AXIN1: variants seen among roughly 807,000 people sequenced by gnomAD.
The protein encoded by AXIN1 is axin 1, also known as axin-1.
A neutral mutation model predicts 76.4 loss-of-function variants in AXIN1; 30 were observed. The ratio of observed to expected loss-of-function variants is 0.39; its 90% confidence interval spans 0.29 to 0.53. AXIN1 has a LOEUF of 0.53. Among genes scored for constraint, AXIN1 ranks in the 20% least tolerant of loss-of-function variants. AXIN1 has a pLI of 0.66. For synonymous variants in AXIN1, 545 were observed against 501.4 expected, an observed-to-expected ratio of 1.09 and a Z score of -1.16; for missense variants, 1,140 against 1,198.8, an observed-to-expected ratio of 0.95 and a Z score of 0.72.
At chr16:319,976 T>G (rs1010143421) in intron 2 of AXIN1, among the ~76,000 whole-genome samples, 6 of 152,090 alleles carry the variant, frequency 3.9e-5, no homozygotes, top group African/African-American at 1.4e-4. Context: ...ATTTCCTCCC[T>G]CTGAAAAAGT....
At chr16:324,799 C>A (rs2053543122) in intron 2 of AXIN1, among the ~76,000 whole-genome samples, 1 of 152,180 alleles carries the variant, frequency 6.6e-6, no homozygotes, top group South Asian at 2.1e-4. Flanking sequence ...ACAGAACCCG[C>A]CCTGCAGAGG....
chr16:310,456 G>A (rs1159240450), intron 3 of AXIN1, among the ~76,000 whole-genome samples: 1 of 152,088 alleles, frequency 6.6e-6, no homozygotes, highest in Non-Finnish European at 1.5e-5. Flanking sequence ...GAGTGCAGTG[G>A]CACAATCTCG....
chr16:301,260 GAC>G (rs2052864217), intron 5 of AXIN1, among the ~76,000 whole-genome samples: 1 of 146,602 alleles, frequency 6.8e-6, no homozygotes, highest in African/African-American at 2.6e-5. Context: ...GACAGAGCGA[GAC>G]TCTGCCTCAA....
intron 4 of AXIN1, among the ~76,000 whole-genome samples, chr16:307,849 C>G (rs571588866): frequency 6.6e-5 from 10 of 152,242 alleles, no homozygotes; most frequent in African/African-American, 2.4e-4. Flanking sequence ...GGCCTCCCCC[C>G]GCCTCTGCTC....
rs776899968 is a variant in AXIN1, at chr16:288,262, G to A, written c.2463-14C>T. Reference sequence around the variant, plus strand: ...TTGAAGTAGTATCTGCAGGACGGAGGTGAGGAGGGCAGTGAGCAGGCAGCA... The same window carrying A: ...TTGAAGTAGTATCTGCAGGACGGAGATGAGGAGGGCAGTGAGCAGGCAGCA... On this transcript the variant is annotated splice_polypyrimidine_tract_variant and intron_variant, in intron 10 of 10. Coordinates refer to ENST00000262320, the MANE Select transcript of AXIN1 (RefSeq NM_003502.4). 2.2e-5 allele frequency: 36 copies of A among 1,613,308 alleles called. No individual in the cohort carries two copies. The highest frequency in any genetic ancestry group is 3.3e-5 in the South Asian group (3 of 91,092).
rs394128 is a variant in AXIN1 at position 287,871 on chromosome 16, T to C, written c.*251A>G. ...GCTGGCAGCAGGGACCTCGGCTGCC[T>C]CACTTGGGCTGGGCCCTCCAAGTAT... On this transcript the variant is annotated 3_prime_UTR_variant, in exon 11 of 11. Transcript: ENST00000262320. The C allele has an allele frequency of 0.21, 123,248 of 591,504 alleles. 14,302 individuals carry two copies. Among genetic ancestry groups the C allele is most frequent in the African/African-American group, 0.36 (19,371 of 53,692 alleles). 36.6% of individuals were successfully genotyped at this position (591,504 alleles called of 1,614,324 possible).
In AXIN1 at chr16:293,767, G is replaced by A. The variant is rs1297462912; in HGVS notation, c.1956-49C>T. ...GTGACTGTGGCCGACACCCTGGCCA[G>A]GTGGCCTGGTGGGGCTACACTCATC... On this transcript the variant is annotated intron_variant, in intron 7 of 10. Transcript: ENST00000262320. This position sits in a 1 kb window ranked among gnomAD's most constrained non-coding sequence, Gnocchi z 4.6. The A allele has an allele frequency of 6.4e-7, 1 of 1,561,650 alleles. No homozygotes were observed. Among genetic ancestry groups the A allele is most frequent in the African/African-American group, 1.4e-5 (1 of 74,018 alleles).
intron 5 of AXIN1, 54 bp from the exon 6 acceptor site, chr16:298,305 G>A (rs2052775822): frequency 1.6e-5 from 24 of 1,535,832 alleles, no homozygotes; most frequent in Non-Finnish European, 2.1e-5. Context: ...CACACTTGGG[G>A]AAAACAAAAA....
chr16:328,696 C>CA (rs1011370542), intron 2 of AXIN1, among the ~76,000 whole-genome samples: 32 of 151,572 alleles, frequency 2.1e-4, no homozygotes, highest in African/African-American at 7.3e-4. Context: ...AACTCCATGT[C>CA]AAAAAAAATA....
chr16:291,480 G>C (rs1259607843), intron 8 of AXIN1, 183 bp from the exon 9 acceptor site: 3 of 646,708 alleles, frequency 4.6e-6, no homozygotes, highest in Non-Finnish European at 8.5e-6. Context: ...CTGCCTTGGT[G>C]GTACCCGATA....
At chr16:311,101 C>T (rs562631541) in intron 3 of AXIN1, among the ~76,000 whole-genome samples, 283 of 24,044 alleles carry the variant, frequency 0.012, 2 homozygotes, top group African/African-American at 0.049. Context: ...GGCGCGATCT[C>T]GGATCACTGC....
chr16:344,158 C>A (rs951114142), intron 2 of AXIN1, among the ~76,000 whole-genome samples: 2 of 151,980 alleles, frequency 1.3e-5, no homozygotes, highest in Non-Finnish European at 2.9e-5. Context: ...AAAGGCCGGG[C>A]GTGGTGGCCC....
intron 2 of AXIN1, among the ~76,000 whole-genome samples, chr16:315,628 C>T (rs894649112): frequency 6.6e-6 from 1 of 152,050 alleles, no homozygotes; most frequent in Non-Finnish European, 1.5e-5. Flanking sequence ...GAGATCGAGA[C>T]CATCCTGGCT....
intron 2 of AXIN1, among the ~76,000 whole-genome samples, chr16:319,995 T>C (rs996163367): frequency 6.6e-6 from 1 of 152,164 alleles, no homozygotes; most frequent in African/African-American, 2.4e-5. Flanking sequence ...GTAAATGTTG[T>C]ACAGTTCTTT....
chr16:325,941 C>T (rs1176651670), intron 2 of AXIN1, among the ~76,000 whole-genome samples: 1 of 152,136 alleles, frequency 6.6e-6, no homozygotes, highest in Non-Finnish European at 1.5e-5. Flanking sequence ...GCCCCACTCA[C>T]TCACGCTGGC....
chr16:301,114 CA>C (rs533261774), intron 5 of AXIN1, among the ~76,000 whole-genome samples: 5 of 151,900 alleles, frequency 3.3e-5, no homozygotes, highest in Non-Finnish European at 7.4e-5. Context: ...ACTAAAAATA[CA>C]AAAAAATTAG....
At chr16:314,789 A>G in intron 2 of AXIN1, 106 bp from the exon 3 acceptor site, 2 of 1,509,970 alleles carry the variant, frequency 1.3e-6, no homozygotes, top group Non-Finnish European at 8.9e-7. Flanking sequence ...AATTAAAAAC[A>G]CAAGCAATTT....
intron 4 of AXIN1, among the ~76,000 whole-genome samples, chr16:305,284 C>A (rs192738995): frequency 1.3e-5 from 2 of 152,322 alleles, no homozygotes; most frequent in African/African-American, 4.8e-5. Context: ...GTCTGGCCAA[C>A]AAAGTGAGAC....
chr16:340,337 C>T (rs925326914), intron 2 of AXIN1, among the ~76,000 whole-genome samples: 1 of 152,204 alleles, frequency 6.6e-6, no homozygotes, highest in Non-Finnish European at 1.5e-5. Flanking sequence ...TGGACTGGCC[C>T]GGGAAGACAC....
Sources: allele counts gnomAD v4.1 joint callset (sites outside exome capture counted in the v4.1 genomes callset), GRCh38; gene constraint gnomAD v4.1.1; non-coding constraint Gnocchi (gnomAD v3.1); transcripts MANE v1.5; gene names NCBI Gene and HGNC (gene_info 2026-07-23, HGNC 2026-07-21).